The following CSMD1 variants were observed in gnomAD, a reference collection of about 807,000 sequenced individuals.
CSMD1 encodes the protein CUB and sushi domain-containing protein 1.
CSMD1 carries 213 observed loss-of-function variants against 417.5 expected under a neutral mutation model. The ratio of observed to expected loss-of-function variants is 0.51; its 90% CI spans 0.46 to 0.57. The LOEUF (loss-of-function observed/expected upper bound fraction) is 0.57. CSMD1 is among the 20% of genes least tolerant of loss of function. CSMD1 has a pLI of 0.00. For missense variants in CSMD1, 6,923 were observed against 4,529.7 expected, an observed-to-expected ratio of 1.53 and a Z score of -15.17; for synonymous variants, 2,862 against 1,736.8, an observed-to-expected ratio of 1.65 and a Z score of -16.11.
At chr8:3,966,749 ACACACGCGCGCGCG>A (rs1212669390) in intron 5 of CSMD1, among the ~76,000 whole-genome samples, 2 of 102,548 alleles carry the variant, frequency 2.0e-5, no homozygotes, top group African/African-American at 7.6e-5. Flanking sequence ...ACACACACAC[ACACACGCGCGCGCG>A]CGCACACACA....
chr8:3,234,890 G>A (rs1409161875), intron 26 of CSMD1, among the ~76,000 whole-genome samples: 1 of 152,200 alleles, frequency 6.6e-6, no homozygotes, highest in African/African-American at 2.4e-5. Flanking sequence ...TATTCCTATA[G>A]AATCTATGAT....
At chr8:4,967,181 G>A (rs924276270) in intron 1 of CSMD1, among the ~76,000 whole-genome samples, 3 of 152,106 alleles carry the variant, frequency 2.0e-5, no homozygotes, top group Non-Finnish European at 2.9e-5. Context: ...AACACTATGA[G>A]CTGTTACTTC....
In CSMD1 at chr8:2,951,989, A is replaced by C. The variant is rs78749193; in HGVS notation, c.10040-714T>G. ...TTTTTAAAGCACAGAATCCATCGAC[A>C]GGAAAACTTAACAAAGATTATTGAG... On this transcript the variant is annotated intron_variant, in intron 65 of 69. Coordinates refer to ENST00000635120, the MANE Select transcript of CSMD1 (RefSeq NM_033225.6). Among the ~76,000 whole-genome samples, 82 of 152,352 alleles carry C rather than the reference A, an allele frequency of 5.4e-4. No individual in the cohort carries two copies. The East Asian group carries it at 0.013, about 24-fold the overall frequency.
chr8:3,078,436 T>G (rs1249592712), intron 49 of CSMD1, among the ~76,000 whole-genome samples: 1 of 152,186 alleles, frequency 6.6e-6, no homozygotes. Flanking sequence ...TTACATGTCT[T>G]CAGTAAAATG....
At chr8:4,467,968 G>A (rs867097833) in intron 2 of CSMD1, among the ~76,000 whole-genome samples, 2 of 152,128 alleles carry the variant, frequency 1.3e-5, no homozygotes, top group African/African-American at 2.4e-5. Flanking sequence ...GGTTTACAAG[G>A]CTTGACTAAG....
chr8:4,432,519 G>C lies in CSMD1; in HGVS notation c.303-12454C>G, dbSNP rs565845729. The stretch of plus-strand genomic sequence containing the variant: ...TACTAACTGCTGGTAAATGCTCGGA[G>C]TGTGAAAACACTGTATTCTCACAAC... On this transcript the variant is annotated intron_variant, in intron 2 of 69. Transcript: ENST00000635120. Among the ~76,000 whole-genome samples the C allele has an allele frequency of 9.5e-4, 144 of 152,278 alleles. 1 individual carries two copies. The highest frequency in any genetic ancestry group is 3.4e-3 in the African/African-American group (140 of 41,572).
Position 4,907,907 on chromosome 8 carries a change from G to C in CSMD1, c.85+86425C>G, listed in dbSNP as rs142646714. 1.2e-3 allele frequency among the ~76,000 whole-genome samples: 188 copies of C among 152,198 alleles called. 2 individuals carry two copies. Among genetic ancestry groups the C allele is most frequent in the African/African-American group, 3.9e-3 (163 of 41,536 alleles). On this transcript the variant is annotated intron_variant, in intron 1 of 69. Transcript: ENST00000635120. ...TATCCTGCAGCCATAACAAAAAATT[G>C]TGTTTCTTTTTGTGAGTTAAAATCA...
chr8:4,942,996 T>G (rs1400929871), intron 1 of CSMD1, among the ~76,000 whole-genome samples: 4 of 152,200 alleles, frequency 2.6e-5, no homozygotes, highest in African/African-American at 9.6e-5. Context: ...TCAGGCGCTC[T>G]CAGGACTCTG....
In CSMD1 at chr8:4,424,039, T is replaced by G. The variant is rs150666809; in HGVS notation, c.303-3974A>C. Among the ~76,000 whole-genome samples, 809 of 152,092 alleles carry G rather than the reference T, an allele frequency of 5.3e-3. 2 individuals are homozygous for G. The highest frequency in any genetic ancestry group is 0.019 in the African/African-American group (786 of 41,524). ...GTAAGTTTAACACCTTATATAAAAA[T>G]TACCTCAATGTGGATTACAAATATA... On this transcript the variant is annotated intron_variant, in intron 2 of 69. Coordinates refer to ENST00000635120, the MANE Select transcript of CSMD1 (RefSeq NM_033225.6).
chr8:4,616,971 T>TC (rs34286593), intron 2 of CSMD1, among the ~76,000 whole-genome samples: 2 of 151,754 alleles, frequency 1.3e-5, no homozygotes, highest in Non-Finnish European at 2.9e-5. Flanking sequence ...AGATTTCTTT[T>TC]TTTTACCTAA....
intron 7 of CSMD1, among the ~76,000 whole-genome samples, chr8:3,705,274 C>A (rs925916718): frequency 2.6e-5 from 4 of 152,204 alleles, no homozygotes; most frequent in African/African-American, 4.8e-5. Context: ...TCACCCTCTG[C>A]AAAGAGCTGT....
chr8:3,572,558 G>C (rs540801215), intron 10 of CSMD1, among the ~76,000 whole-genome samples: 2 of 152,246 alleles, frequency 1.3e-5, no homozygotes, highest in East Asian at 3.9e-4. Flanking sequence ...AACATACACA[G>C]GTTAACTAAA....
At chr8:3,954,742 C>T (rs1051988127) in intron 5 of CSMD1, among the ~76,000 whole-genome samples, 1 of 151,766 alleles carries the variant, frequency 6.6e-6, no homozygotes, top group Non-Finnish European at 1.5e-5. Context: ...CAGAGCCCTC[C>T]TTGCCCCTCA....
rs536377571 is a variant in CSMD1, at chr8:3,036,676, AAAAT to A, written c.7661-7167_7661-7164del. The stretch of plus-strand genomic sequence containing the variant: ...AACAAGACAACTTTGGTTTGGGTAA[AAAAT>A]AAATATAAAGTTTTTGGGGAAAACT... On this transcript the variant is annotated intron_variant, in intron 50 of 69. Coordinates refer to ENST00000635120, the MANE Select transcript of CSMD1 (RefSeq NM_033225.6). 3.4e-4 allele frequency among the ~76,000 whole-genome samples: 52 copies of A among 152,306 alleles called. No homozygotes were observed. The South Asian group carries it at 0.01, about 30-fold the overall frequency.
At chr8:3,830,636 T>C (rs992759864) in intron 5 of CSMD1, among the ~76,000 whole-genome samples, 2 of 152,150 alleles carry the variant, frequency 1.3e-5, no homozygotes, top group East Asian at 1.9e-4. Flanking sequence ...TGCTCTGCCA[T>C]GGCCAATATC....
chr8:3,941,229 AATGT>A (rs948589882), intron 5 of CSMD1, among the ~76,000 whole-genome samples: 129 of 152,280 alleles, frequency 8.5e-4, no homozygotes, highest in African/African-American at 2.8e-3. Context: ...GTTCCTAGCA[AATGT>A]ATTAATTAAA....
chr8:3,143,197 C>G (rs1055120880), intron 40 of CSMD1, among the ~76,000 whole-genome samples: 1 of 152,064 alleles, frequency 6.6e-6, no homozygotes, highest in African/African-American at 2.4e-5. Flanking sequence ...GTCTGTTTGC[C>G]TTGTCCCACA....
chr8:3,145,650 G>T (rs1040995377), intron 40 of CSMD1, among the ~76,000 whole-genome samples: 1 of 152,286 alleles, frequency 6.6e-6, no homozygotes, highest in African/African-American at 2.4e-5. Flanking sequence ...CTCTAATCTG[G>T]CTTAAAATAG....
intron 3 of CSMD1, among the ~76,000 whole-genome samples, chr8:4,121,405 A>G (rs1802480388): frequency 6.6e-6 from 1 of 152,124 alleles, no homozygotes; most frequent in South Asian, 2.1e-4. Context: ...ATGAGTGTCA[A>G]TGTATTTTTC....
Sources: gnomAD v4.1 joint callset for allele counts (sites outside exome capture counted in the v4.1 genomes callset) on GRCh38, gnomAD v4.1.1 for gene constraint, MANE v1.5 for transcripts, NCBI Gene and HGNC (gene_info 2026-07-23, HGNC 2026-07-21) for gene names.